The following PGLYRP3 variants were observed in gnomAD, a reference collection of about 807,000 sequenced individuals.
PGLYRP3 encodes the protein peptidoglycan recognition protein I alpha.
In PGLYRP3, 39 loss-of-function variants were observed where a neutral mutation model predicts 36.0. That is an observed-to-expected ratio of 1.08 (90% CI 0.84 to 1.41). The LOEUF is 1.41. Ranked by LOEUF, PGLYRP3 falls within the 40% of genes most tolerant of loss-of-function variation. The pLI is 0.00. For missense variants in PGLYRP3, 407 were observed against 427.9 expected (o/e 0.95, Z 0.43); for synonymous variants, 204 against 172.8 (o/e 1.18, Z -1.42).
intron 3 of PGLYRP3, among the ~76,000 whole-genome samples, chr1:153,305,697 C>T (rs764830457): frequency 1.3e-5 from 2 of 152,082 alleles, no homozygotes; most frequent in South Asian, 2.1e-4. Flanking sequence ...CATGAGTTTC[C>T]GCAGCAAACT....
chr1:153,312,386 G>T (rs1444514731), intron 1 of PGLYRP3, among the ~76,000 whole-genome samples: 1 of 152,210 alleles, frequency 6.6e-6, no homozygotes, highest in Non-Finnish European at 1.5e-5. Flanking sequence ...AGAAAAGGAA[G>T]AAATTGGGTA....
intron 2 of PGLYRP3, among the ~76,000 whole-genome samples, chr1:153,308,222 G>C (rs552455709): frequency 2.6e-5 from 4 of 152,044 alleles, no homozygotes; most frequent in Admixed American, 2.6e-4. Context: ...TCTCGATCTC[G>C]TGACCTCGTG....
intron 6 of PGLYRP3, among the ~76,000 whole-genome samples, chr1:153,301,079 C>T (rs767687352): frequency 2.5e-4 from 38 of 152,072 alleles, no homozygotes; most frequent in Non-Finnish European, 5.6e-4. Flanking sequence ...GTCACCACAC[C>T]CAGCTAATTA....
At chr1:153,304,798 T>A (rs1307625231) in intron 4 of PGLYRP3, 149 bp downstream of exon 4, 1 of 591,200 alleles carries the variant, frequency 1.7e-6, no homozygotes, top group African/African-American at 1.9e-5. Context: ...TGTCACAGGA[T>A]CCAAAGGAGA....
chr1:153,310,808 C>T (rs1659877226), intron 1 of PGLYRP3, 102 bp from the exon 2 acceptor site: 4 of 744,082 alleles, frequency 5.4e-6, no homozygotes, highest in Non-Finnish European at 9.0e-6. Context: ...CATCCTGTGG[C>T]TTCCTGAGGG....
At position 153,298,083 on chromosome 1, in the gene PGLYRP3, C is replaced by T. The variant is rs753739167; in HGVS notation, c.899G>A (p.Cys300Tyr). 4 of 1,614,054 alleles carry T rather than the reference C, an allele frequency of 2.5e-6. No individual in the cohort carries two copies. The highest frequency in any genetic ancestry group is 2.2e-5 in the East Asian group (1 of 44,872). ...AGTCAGGTACCCCTCAACCACGGCA[C>T]ACTGGATCAGGTCCTGGGCCGCCTC... ...ALEAAQDLIQCAVVEGYLTPN... is the reference protein window; with the variant it reads ...ALEAAQDLIQYAVVEGYLTPN... The change falls in exon 8 of 8, where the codon TGT becomes TAT. Residue 300 changes from cysteine (C) to tyrosine (Y), a missense_variant. Coordinates refer to ENST00000683862, the MANE Select transcript of PGLYRP3 (RefSeq NM_052891.3).
At chr1:153,304,088 T>G in intron 4 of PGLYRP3, 79 bp from the exon 5 acceptor site, 2 of 1,366,276 alleles carry the variant, frequency 1.5e-6, no homozygotes, top group Non-Finnish European at 2.0e-6. Flanking sequence ...AAGGATGATA[T>G]GACCACTTGA....
intron 6 of PGLYRP3, among the ~76,000 whole-genome samples, chr1:153,301,399 G>A (rs1571100813): frequency 6.6e-6 from 1 of 152,230 alleles, no homozygotes; most frequent in African/African-American, 2.4e-5. Context: ...CATATCATGA[G>A]GCTGGAGCAG....
At chr1:153,312,530 C>T (rs1312411162) in intron 1 of PGLYRP3, among the ~76,000 whole-genome samples, 113 bp downstream of exon 1, 1 of 152,088 alleles carries the variant, frequency 6.6e-6, no homozygotes, top group African/African-American at 2.4e-5. Flanking sequence ...ATCAGGGGAG[C>T]TTTCCCTACC....
rs1659875068 is a variant in PGLYRP3, at chr1:153,310,720, T to C, written c.-41-14A>G. On this transcript the variant is annotated splice_polypyrimidine_tract_variant and intron_variant, in intron 1 of 7. Transcript: ENST00000683862. ...TGGACGGCAGCCCTGGAAGAGAGGC[T>C]AACAGTTAACACAACCATGCTAACT... 1 of 1,479,376 alleles carries C rather than the reference T, an allele frequency of 6.8e-7. No homozygotes were observed. Among genetic ancestry groups the C allele is most frequent in the South Asian group, 1.1e-5 (1 of 88,068 alleles). The allele number at this position is 1,479,376 out of a possible 1,614,324, so 91.6% of individuals were successfully genotyped here.
chr1:153,305,966 T>C (rs1451225768), intron 3 of PGLYRP3, among the ~76,000 whole-genome samples: 3 of 152,244 alleles, frequency 2.0e-5, no homozygotes, highest in Admixed American at 2.0e-4. Flanking sequence ...GTTGTCACTG[T>C]AGAAACCTGA....
chr1:153,307,085 A>G lies in PGLYRP3; in HGVS notation c.238T>C (p.Trp80Arg), dbSNP rs780596726. 9.9e-6 allele frequency: 16 copies of G among 1,613,694 alleles called. No individual in the cohort carries two copies. In the East Asian group the frequency reaches 3.6e-4, roughly 36 times the overall value. ...TCTTACTTGTACGCCACGTCGCACC[A>G]GCCTATGGTGTAGACGGAATGGGAC... The part of the protein sequence containing the change: ...LQSHSVYTIG[W>R]CDVAYNFLVG... Residue 80 changes from tryptophan to arginine, a missense_variant, in exon 3 of 8, where the codon TGG becomes CGG. Coordinates refer to ENST00000683862, the MANE Select transcript of PGLYRP3 (RefSeq NM_052891.3).
chr1:153,305,440 A>G (rs1221084922), intron 3 of PGLYRP3, among the ~76,000 whole-genome samples: 3 of 152,200 alleles, frequency 2.0e-5, no homozygotes, highest in African/African-American at 7.2e-5. Flanking sequence ...CTCTAAAATA[A>G]TTATGCCAGA....
At chr1:153,298,206 A>G (rs927289520) in intron 7 of PGLYRP3, 72 bp from the exon 8 acceptor site, 11 of 1,516,064 alleles carry the variant, frequency 7.3e-6, no homozygotes, top group Non-Finnish European at 9.0e-6. Flanking sequence ...ACAAGCACCT[A>G]GATTCCAGTT....
chr1:153,303,629 A>G lies in PGLYRP3; in HGVS notation c.529+228T>C, dbSNP rs114143315. ...TTGTTGACTGACTGAAAATCTGTGTACATATGTATTTGTTTTAAGAAGAAG... is the reference window on the plus strand; with the variant it reads ...TTGTTGACTGACTGAAAATCTGTGTGCATATGTATTTGTTTTAAGAAGAAG... On this transcript the variant is annotated intron_variant, in intron 5 of 7. Transcript: ENST00000683862. 7.5e-3 allele frequency among the ~76,000 whole-genome samples: 1,139 copies of G among 152,332 alleles called. 16 individuals carry two copies. Among genetic ancestry groups the G allele is most frequent in the African/African-American group, 0.026 (1,084 of 41,570 alleles).
At chr1:153,298,350 A>G (rs955128271) in intron 7 of PGLYRP3, among the ~76,000 whole-genome samples, 8 of 152,080 alleles carry the variant, frequency 5.3e-5, no homozygotes, top group African/African-American at 1.9e-4. Flanking sequence ...TTTCTTCCAG[A>G]AGGTTAAAAA....
intron 2 of PGLYRP3, among the ~76,000 whole-genome samples, chr1:153,307,980 T>C (rs1029192293): frequency 6.8e-6 from 1 of 146,124 alleles, no homozygotes. Context: ...TCTCTCTGGG[T>C]TTTTTCTCCT....
intron 6 of PGLYRP3, among the ~76,000 whole-genome samples, chr1:153,300,481 A>G (rs912630684): frequency 1.3e-5 from 2 of 152,210 alleles, no homozygotes; most frequent in African/African-American, 4.8e-5. Context: ...AAATGGAGTC[A>G]CTTGTGTCAA....
At chr1:153,307,294 A>G (rs760340841) in intron 2 of PGLYRP3, 27 bp from the exon 3 acceptor site, 1 of 1,560,558 alleles carries the variant, frequency 6.4e-7, no homozygotes, top group Non-Finnish European at 8.7e-7. Flanking sequence ...AGAATGGCAC[A>G]TAGCAGGCCC....
Sources: allele counts gnomAD v4.1 joint callset (sites outside exome capture counted in the v4.1 genomes callset), GRCh38; gene constraint gnomAD v4.1.1; transcripts MANE v1.5; gene names NCBI Gene and HGNC (gene_info 2026-07-23, HGNC 2026-07-21).